Variants in MYRF observed in about 807,000 individuals in gnomAD.
MYRF encodes the protein myelin regulatory factor, also known as myelin gene regulatory factor.
Under a neutral mutation model 126.3 loss-of-function variants are expected in MYRF, and 16 were observed. That is an observed-to-expected ratio of 0.13 (90% CI 0.09 to 0.19). The LOEUF (loss-of-function observed/expected upper bound fraction) is 0.19, where lower values mean the gene tolerates loss of function less well. MYRF is among the 10% of genes least tolerant of loss of function. The pLI is 1.00. For missense variants in MYRF, 1,104 were observed against 1,547.0 expected (o/e 0.71, Z 4.80); for synonymous variants, 608 against 635.3 (o/e 0.96, Z 0.65).
Position 61,777,610 on chromosome 11 carries a change from A to C in MYRF, c.1792-124A>C, listed in dbSNP as rs894595200. On this transcript the variant is annotated intron_variant, in intron 12 of 26. Transcript: ENST00000278836. This position sits in a 1 kb window ranked among gnomAD's most constrained non-coding sequence, Gnocchi z 8.8. ...GGAGGCTGGCCTCGAATCCCGATCT[A>C]ACCACTCCAGTGGTGGGGTCTCCTC... 6.8e-6 allele frequency: 9 copies of C among 1,317,970 alleles called. No homozygotes were observed. Among genetic ancestry groups the C allele is most frequent in the Non-Finnish European group, 9.4e-6 (9 of 952,426 alleles). 81.6% of individuals were successfully genotyped at this position (1,317,970 alleles called of 1,614,324 possible).
chr11:61,755,889 T>C (rs551819950), intron 1 of MYRF, among the ~76,000 whole-genome samples: 1 of 152,276 alleles, frequency 6.6e-6, no homozygotes, highest in East Asian at 1.9e-4. Context: ...ACTTGGAGTT[T>C]AGTGGGCCTC....
At chr11:61,767,274 A>G (rs558833574) in intron 3 of MYRF, 1 of 456,638 alleles carries the variant, frequency 2.2e-6, no homozygotes, top group East Asian at 6.9e-5. Flanking sequence ...GAGGGAGGAG[A>G]ACTAACATTT....
At chr11:61,785,571 AG>A in intron 25 of MYRF, 1 of 574,510 alleles carries the variant, frequency 1.7e-6, no homozygotes, top group East Asian at 2.9e-5. Flanking sequence ...GGCAGGGGCC[AG>A]GTGGAGGTGG....
intron 19 of MYRF, 38 bp from the exon 20 acceptor site, chr11:61,780,922 C>T: frequency 1.2e-6 from 2 of 1,606,608 alleles, no homozygotes; most frequent in Non-Finnish European, 1.7e-6. Context: ...CTCAAGCTCT[C>T]CCAGCCCCTC....
chr11:61,782,194 T>A (rs1396977947), intron 22 of MYRF: 1 of 217,210 alleles, frequency 4.6e-6, no homozygotes, highest in East Asian at 9.3e-5. Context: ...GGGTCTCCCC[T>A]ACTATTTCCC....
chr11:61,780,640 C>T, intron 18 of MYRF, 72 bp from the exon 19 acceptor site: 1 of 1,444,980 alleles, frequency 6.9e-7, no homozygotes, highest in Non-Finnish European at 9.5e-7. Flanking sequence ...GCTCCTGGGG[C>T]CACCTCTGAC....
chr11:61,766,054 C>T lies in MYRF; in HGVS notation c.231C>T (p.Pro77=), dbSNP rs1179352083. ...CCAGCGGGGTCCACCACCTGAGCCCCCCTGGGGGTGGACCCTCCCCGGGGC... is the reference window on the plus strand; with the variant it reads ...CCAGCGGGGTCCACCACCTGAGCCCTCCTGGGGGTGGACCCTCCCCGGGGC... ...PGSSGVHHLS[P]PGGGPSPGRH... is the part of the protein sequence containing the mutation. The change falls in exon 3 of 27, where the codon CCC becomes CCT. Residue 77 remains proline, a synonymous_variant. Coordinates refer to ENST00000278836, the MANE Select transcript of MYRF (RefSeq NM_001127392.3). The T allele has an allele frequency of 6.2e-7, 1 of 1,603,328 alleles. No individual in the cohort carries two copies. Among genetic ancestry groups the T allele is most frequent in the South Asian group, 1.1e-5 (1 of 90,542 alleles).
chr11:61,784,030 A>G (rs2066624435), intron 24 of MYRF, 105 bp downstream of exon 24: 1 of 1,337,444 alleles, frequency 7.5e-7, no homozygotes, highest in Non-Finnish European at 1.0e-6. Context: ...AGTCTCTGGT[A>G]TTTCCTGCAT....
intron 1 of MYRF, chr11:61,755,513 G>C: frequency 1.3e-6 from 2 of 1,564,282 alleles, no homozygotes; most frequent in South Asian, 2.3e-5. Context: ...GGCAGTGTCT[G>C]AGAATCCTGC....
intron 22 of MYRF, chr11:61,782,248 T>C (rs978383249): frequency 6.2e-6 from 1 of 161,918 alleles, no homozygotes; most frequent in African/African-American, 2.4e-5. Context: ...GAACCTTTTA[T>C]TGTAGTTTTC....
chr11:61,764,604 C>T (rs1269710670), intron 1 of MYRF, among the ~76,000 whole-genome samples: 5 of 152,154 alleles, frequency 3.3e-5, no homozygotes, highest in African/African-American at 4.8e-5. Flanking sequence ...CTGGCCAGCC[C>T]GGGTCAGCCG....
chr11:61,776,258 C>T lies in MYRF; in HGVS notation c.1389-64C>T. On this transcript the variant is annotated intron_variant, in intron 9 of 26. Transcript: ENST00000278836. The surrounding 1 kb of genome is among the most constrained non-coding windows in gnomAD (Gnocchi z 4.3). The stretch of plus-strand genomic sequence containing the variant: ...ATGTACGTTGCTGGCCTGGGTGCCC[C>T]TCAGTGGCGTGGCTCTTGCAGCCTC... 1 of 1,570,918 alleles carries T rather than the reference C, an allele frequency of 6.4e-7. No homozygotes were observed. Among genetic ancestry groups the T allele is most frequent in the Non-Finnish European group, 8.7e-7 (1 of 1,148,144 alleles).
chr11:61,761,262 G>GGC lies in MYRF; in HGVS notation c.47-4362_47-4361insCG, dbSNP rs199979096. Among the ~76,000 whole-genome samples, 50 of 144,050 alleles carry GGC rather than the reference G, an allele frequency of 3.5e-4. 2 individuals carry two copies. The highest frequency in any genetic ancestry group is 2.8e-3 in the Admixed American group (40 of 14,482). 94.5% of individuals were successfully genotyped at this position (144,050 alleles called of 152,430 possible). A position where few individuals can be genotyped will look rare whatever the true frequency, so the allele number is the denominator to read the frequency against. ...CTCAGCCAACGGCCACAGCTGGTGG[G>GGC]GGGGGGGGCACATAAGCACAAGGAG... On this transcript the variant is annotated intron_variant, in intron 1 of 26. Coordinates refer to ENST00000278836, the MANE Select transcript of MYRF (RefSeq NM_001127392.3).
chr11:61,758,514 G>A (rs989057940), intron 1 of MYRF, among the ~76,000 whole-genome samples: 4 of 152,188 alleles, frequency 2.6e-5, no homozygotes, highest in African/African-American at 9.7e-5. Context: ...AAGAGGAGGT[G>A]GGAGCTCTTC....
rs2066477714 is a variant in MYRF, at chr11:61,779,336, T to C, written c.2087T>C (p.Ile696Thr). 1.9e-6 allele frequency: 3 copies of C among 1,550,966 alleles called. No individual in the cohort carries two copies. Among genetic ancestry groups the C allele is most frequent in the African/African-American group, 1.4e-5 (1 of 73,030 alleles). Residue 696 changes from isoleucine (I) to threonine (T), a missense_variant, in exon 15 of 27, where the codon ATT becomes ACT. Ile to Thr is a moderately conservative substitution (Grantham distance 89, BLOSUM62 -1). Transcript: ENST00000278836. ...CTGACAGACAACCTGGAGACGCGCA[T>C]TGATGAGCTGGAGCGCTGGAGCCAC... ...CKLTDNLETR[I>T]DELERWSHKL...
At chr11:61,780,062 G>C (rs1017913149) in intron 17 of MYRF, 132 bp downstream of exon 17, 4 of 1,195,138 alleles carry the variant, frequency 3.3e-6, no homozygotes, top group Middle Eastern at 3.9e-4. Flanking sequence ...CTGAGGTCTC[G>C]GTGAGGTGGG....
Position 61,770,279 on chromosome 11 carries a change from C to A in MYRF, c.494C>A (p.Thr165Lys). Residue 165 changes from threonine to lysine, a missense_variant, in exon 5 of 27, where the codon ACA becomes AAA. Around this residue, in one of 10 missense-constraint regions of MYRF, gnomAD observed 368 missense variants for 403.9 expected, o/e 0.91. Coordinates refer to ENST00000278836, the MANE Select transcript of MYRF (RefSeq NM_001127392.3). The part of the protein sequence containing the change: ...PHLLRTITPE[T>K]LCHVGVPSRL... ...CTCCTGCGCACGATAACCCCTGAGA[C>A]ACTGTGCCACGTGGGAGTGCCCTCC... 1 of 1,608,694 alleles carries A rather than the reference C, an allele frequency of 6.2e-7. No homozygotes were observed.
At chr11:61,770,617 G>T in intron 5 of MYRF, 92 bp downstream of exon 5, 1 of 1,321,364 alleles carries the variant, frequency 7.6e-7, no homozygotes, top group African/African-American at 1.5e-5. Flanking sequence ...GAGGGAGGTA[G>T]GGACCGGGAT....
At chr11:61,781,499 T>C in intron 21 of MYRF, 74 bp from the exon 22 acceptor site, 1 of 1,564,892 alleles carries the variant, frequency 6.4e-7, no homozygotes, top group Non-Finnish European at 8.6e-7. Context: ...CTCAGTCTTG[T>C]GGGGCCCTAG....
Sources: allele counts gnomAD v4.1 joint callset (sites outside exome capture counted in the v4.1 genomes callset), GRCh38; gene constraint gnomAD v4.1.1; regional missense constraint gnomAD v4.1.1; non-coding constraint Gnocchi (gnomAD v3.1); transcripts MANE v1.5; gene names NCBI Gene and HGNC (gene_info 2026-07-23, HGNC 2026-07-21).